TCF7L2: variants seen among roughly 807,000 people sequenced by gnomAD.
The protein encoded by TCF7L2 is transcription factor 7-like 2.
In TCF7L2, 23 loss-of-function variants were observed where a neutral mutation model predicts 77.9. The observed-to-expected ratio is 0.30, with a 90% CI of 0.21 to 0.42. The LOEUF (loss-of-function observed/expected upper bound fraction) is 0.42, where lower values mean the gene tolerates loss of function less well. Among genes scored for constraint, TCF7L2 ranks in the 10% least tolerant of loss-of-function variants. The pLI is 1.00. For missense variants in TCF7L2, 654 were observed against 793.1 expected (o/e 0.82, Z 2.11); for synonymous variants, 413 against 340.2 (o/e 1.21, Z -2.36).
chr10:113,007,532 C>T (rs1446881816), intron 4 of TCF7L2, among the ~76,000 whole-genome samples: 1 of 152,218 alleles, frequency 6.6e-6, no homozygotes, highest in South Asian at 2.1e-4. Flanking sequence ...TGAAGTTCAA[C>T]GTTCAAGTTA....
At chr10:112,988,252 C>G (rs112345351) in intron 4 of TCF7L2, among the ~76,000 whole-genome samples, 1 of 151,888 alleles carries the variant, frequency 6.6e-6, no homozygotes, top group African/African-American at 2.4e-5. Context: ...TGCCTGCCAC[C>G]AGGCTGGGCT....
At position 113,021,511 on chromosome 10, in the gene TCF7L2, C is replaced by T. The variant is rs138049633; in HGVS notation, c.451-18514C>T. On this transcript the variant is annotated intron_variant, in intron 4 of 13. Coordinates refer to ENST00000627217, the MANE Select transcript of TCF7L2 (RefSeq NM_001146274.2). ...GTGGTAAGAGCTGACATTTCTTGAG[C>T]GCTTGCCATATGCTGGGTGTACTAC... is the stretch of plus-strand genomic sequence containing the variant. 3.3e-5 allele frequency among the ~76,000 whole-genome samples: 5 copies of T among 152,302 alleles called. No homozygotes were observed. In the East Asian group the frequency reaches 7.7e-4, roughly 24 times the overall value.
intron 3 of TCF7L2, among the ~76,000 whole-genome samples, chr10:112,958,792 G>A (rs2034341255): frequency 6.6e-6 from 1 of 152,156 alleles, no homozygotes; most frequent in South Asian, 2.1e-4. Flanking sequence ...TGTCGTGTCA[G>A]TTTTATTAAG....
intron 7 of TCF7L2, 32 bp from the exon 8 acceptor site, chr10:113,145,979 C>G (rs775096594): frequency 1.8e-6 from 1 of 543,058 alleles, no homozygotes; most frequent in Non-Finnish European, 3.0e-6. Flanking sequence ...ACCCTTGTTT[C>G]AAGTCTCTTA....
intron 5 of TCF7L2, among the ~76,000 whole-genome samples, chr10:113,051,554 G>C (rs1264307744): frequency 3.9e-5 from 6 of 152,176 alleles, no homozygotes; most frequent in Admixed American, 3.9e-4. Context: ...TTTAGATAGA[G>C]CCTTGCAAGA....
At position 113,141,575 on chromosome 10, in the gene TCF7L2, C is replaced by T. The variant is rs567046559; in HGVS notation, c.685+259C>T. ...AGATCTCTTTATGGCTTCCAGTACC[C>T]CTGAAGGGGCTGTCTTGGGAACCTG... On this transcript the variant is annotated intron_variant, in intron 6 of 13. Transcript: ENST00000627217. Among the ~76,000 whole-genome samples the T allele has an allele frequency of 2.6e-5, 4 of 152,218 alleles. No homozygotes were observed. The South Asian group carries it at 8.3e-4, about 32-fold the overall frequency.
At chr10:113,035,438 G>T (rs1241628232) in intron 4 of TCF7L2, among the ~76,000 whole-genome samples, 2 of 152,168 alleles carry the variant, frequency 1.3e-5, no homozygotes, top group Non-Finnish European at 2.9e-5. Flanking sequence ...AGTTAAGAAT[G>T]ACTTTTTATT....
intron 5 of TCF7L2, among the ~76,000 whole-genome samples, chr10:113,094,280 A>T (rs2060705558): frequency 6.6e-6 from 1 of 152,212 alleles, no homozygotes. Context: ...ACCACATCCT[A>T]TGTGGCTTAT....
At chr10:113,062,189 TCTATCACCTC>T (rs2056564319) in intron 5 of TCF7L2, among the ~76,000 whole-genome samples, 1 of 152,144 alleles carries the variant, frequency 6.6e-6, no homozygotes, top group African/African-American at 2.4e-5. Flanking sequence ...GAACCAGTCC[TCTATCACCTC>T]TTCCAAGGCT....
At chr10:113,057,703 A>G (rs1336682532) in intron 5 of TCF7L2, among the ~76,000 whole-genome samples, 1 of 152,216 alleles carries the variant, frequency 6.6e-6, no homozygotes, top group East Asian at 1.9e-4. Flanking sequence ...TTTGGGGGCT[A>G]AGTATTAGTA....
intron 5 of TCF7L2, chr10:113,129,727 TA>T (rs2136484061): frequency 8.1e-7 from 1 of 1,231,580 alleles, no homozygotes; most frequent in South Asian, 1.5e-5. Context: ...GTGAAAGGTT[TA>T]AAGGGAGGGG....
intron 6 of TCF7L2, 71 bp downstream of exon 6, chr10:113,141,387 A>T (rs2136851976): frequency 1.2e-6 from 2 of 1,601,858 alleles, no homozygotes; most frequent in Non-Finnish European, 1.7e-6. Context: ...TGAGGCCTCC[A>T]CAGGAACCCC....
chr10:112,950,864 G>A lies in TCF7L2; in HGVS notation c.108G>A (p.Ser36=), dbSNP rs933475716. The A allele has an allele frequency of 1.2e-6, 2 of 1,611,268 alleles. No individual in the cohort carries two copies. The highest frequency in any genetic ancestry group is 8.5e-7 in the Non-Finnish European group (1 of 1,178,958). The stretch of plus-strand genomic sequence containing the variant: ...AGGAGAAGAGCTCCGAAAACTCCTC[G>A]GCAGAGAGGGATTTAGCTGATGTCA... Residue 36 remains serine (S), a synonymous_variant, in exon 1 of 14, where the codon TCG becomes TCA. Transcript: ENST00000627217.
At chr10:113,138,856 G>T (rs2067849023) in intron 5 of TCF7L2, among the ~76,000 whole-genome samples, 1 of 152,124 alleles carries the variant, frequency 6.6e-6, no homozygotes, top group African/African-American at 2.4e-5. Flanking sequence ...CACTGTGAAT[G>T]AATTAGGGCC....
rs564156444 is a variant in TCF7L2, at chr10:112,951,372, G to A, written c.256+99G>A. 31 of 1,098,638 alleles carry A rather than the reference G, an allele frequency of 2.8e-5. No individual in the cohort carries two copies. In the Admixed American group the frequency reaches 1.0e-3, roughly 37 times the overall value. 68.1% of individuals were successfully genotyped at this position (1,098,638 alleles called of 1,614,324 possible). A position where few individuals can be genotyped will look rare whatever the true frequency, so the allele number is the denominator to read the frequency against. On this transcript the variant is annotated intron_variant, in intron 2 of 13. Transcript: ENST00000627217. ...CGCGCCCGGCTCGGCCTGGCCCTGC[G>A]CCGGCCCGGTCGGGGCGCCCGGCCC...
In TCF7L2 at chr10:113,023,325, G is replaced by A. The variant is rs116738964; in HGVS notation, c.451-16700G>A. 9.7e-3 allele frequency among the ~76,000 whole-genome samples: 1,481 copies of A among 152,276 alleles called. 23 individuals are homozygous for A. The highest frequency in any genetic ancestry group is 0.034 in the African/African-American group (1,406 of 41,532). On this transcript the variant is annotated intron_variant, in intron 4 of 13. Coordinates refer to ENST00000627217, the MANE Select transcript of TCF7L2 (RefSeq NM_001146274.2). The stretch of plus-strand genomic sequence containing the variant: ...AGTTTCACTTGCCAGTTTTACCGCA[G>A]CAAGACCTCGTTAAGTTGGCTTCCT...
intron 4 of TCF7L2, among the ~76,000 whole-genome samples, chr10:112,993,413 T>C (rs2042935998): frequency 6.6e-6 from 1 of 151,124 alleles, no homozygotes; most frequent in African/African-American, 2.4e-5. Flanking sequence ...GGCTGAGGCA[T>C]GAGAATCACT....
intron 4 of TCF7L2, among the ~76,000 whole-genome samples, chr10:113,038,758 G>A (rs1419239236): frequency 5.3e-5 from 8 of 152,030 alleles, no homozygotes; most frequent in Admixed American, 5.2e-4. Context: ...ACCATGTTCT[G>A]TCTTGATTTA....
intron 4 of TCF7L2, among the ~76,000 whole-genome samples, chr10:113,015,378 G>A (rs764184688): frequency 3.3e-5 from 5 of 151,644 alleles, no homozygotes; most frequent in Non-Finnish European, 7.4e-5. Context: ...GGAGGCGCAT[G>A]AGGCCCTGGC....
Sources: gnomAD v4.1 joint callset for allele counts (sites outside exome capture counted in the v4.1 genomes callset) on GRCh38, gnomAD v4.1.1 for gene constraint, MANE v1.5 for transcripts, NCBI Gene and HGNC (gene_info 2026-07-23, HGNC 2026-07-21) for gene names.